The following BRINP1 variants were observed in gnomAD, a reference collection of about 807,000 sequenced individuals.
The protein encoded by BRINP1 is BMP/retinoic acid-inducible neural-specific protein 1.
A neutral mutation model predicts 72.9 loss-of-function variants in BRINP1; 17 were observed. The observed-to-expected ratio is 0.23, with a 90% CI of 0.16 to 0.35. The LOEUF (loss-of-function observed/expected upper bound fraction) is 0.35, where lower values mean the gene tolerates loss of function less well. Ranked by LOEUF, BRINP1 falls within the 10% of genes least tolerant of loss-of-function variation. The probability of loss-of-function intolerance (pLI) is 1.00; values close to 1 mark genes in which losing one functional copy is unlikely to be tolerated. For synonymous variants in BRINP1, 418 were observed against 378.5 expected (o/e 1.10, Z -1.21); for missense variants, 850 against 1,001.6 (o/e 0.85, Z 2.04).
intron 1 of BRINP1, among the ~76,000 whole-genome samples, chr9:119,358,730 C>G (rs78280226): frequency 0.15 from 23,021 of 152,184 alleles, 1,854 homozygotes; most frequent in Middle Eastern, 0.18. Flanking sequence ...GTTGGAATTT[C>G]AGCTGGATTG....
chr9:119,298,549 C>T (rs1830905314), intron 2 of BRINP1, among the ~76,000 whole-genome samples: 1 of 151,860 alleles, frequency 6.6e-6, no homozygotes, highest in African/African-American at 2.4e-5. Context: ...CATGTCAGCA[C>T]ATGACTCAAA....
At chr9:119,291,920 A>G (rs1347751357) in intron 2 of BRINP1, among the ~76,000 whole-genome samples, 1 of 152,218 alleles carries the variant, frequency 6.6e-6, no homozygotes, top group Non-Finnish European at 1.5e-5. Context: ...ACCCTGAAGC[A>G]TGGTGAGTTG....
In BRINP1 at chr9:119,208,865, G is replaced by T. The variant is rs758663814; in HGVS notation, c.999C>A (p.Gly333=). ...LTIGSIHQHW[G]NDWDLQNRYK... ...AGCGGTTCTGCAGGTCCCAGTCATT[G>T]CCCCAGTGCTGATGGATGCTTCCGA... The change falls in exon 7 of 8, where the codon GGC becomes GGA. Residue 333 remains glycine (G), a synonymous_variant. Coordinates refer to ENST00000265922, the MANE Select transcript of BRINP1 (RefSeq NM_014618.3). 6.2e-7 allele frequency: 1 copy of T among 1,614,176 alleles called. No individual in the cohort carries two copies. Among genetic ancestry groups the T allele is most frequent in the South Asian group, 1.1e-5 (1 of 91,086 alleles).
At chr9:119,209,460 C>T (rs969013855) in intron 6 of BRINP1, among the ~76,000 whole-genome samples, 4 of 151,566 alleles carry the variant, frequency 2.6e-5, no homozygotes, top group East Asian at 1.9e-4. Context: ...CCCAGCTACT[C>T]GGGAGGCTGA....
At chr9:119,226,530 AG>A (rs973344807) in intron 5 of BRINP1, among the ~76,000 whole-genome samples, 23 of 152,032 alleles carry the variant, frequency 1.5e-4, no homozygotes, top group African/African-American at 5.6e-4. Flanking sequence ...GTGCTTGCTT[AG>A]AATTCTTTAC....
At chr9:119,310,661 CA>C (rs1831052656) in intron 2 of BRINP1, among the ~76,000 whole-genome samples, 2 of 152,144 alleles carry the variant, frequency 1.3e-5, no homozygotes, top group Admixed American at 1.3e-4. Context: ...CTGGGCAGAT[CA>C]GTAAAGCTGG....
At chr9:119,266,384 T>G (rs1309740932) in intron 2 of BRINP1, among the ~76,000 whole-genome samples, 1 of 152,218 alleles carries the variant, frequency 6.6e-6, no homozygotes, top group Non-Finnish European at 1.5e-5. Context: ...CATTATATAT[T>G]GACAAATTAT....
chr9:119,213,689 T>A, intron 6 of BRINP1: 1 of 607,306 alleles, frequency 1.6e-6, no homozygotes, highest in South Asian at 2.0e-5. Flanking sequence ...ACAGAAACAA[T>A]ACATCATATG....
intron 4 of BRINP1, among the ~76,000 whole-genome samples, chr9:119,239,391 T>C (rs1017479973): frequency 1.3e-5 from 2 of 152,250 alleles, no homozygotes; most frequent in Non-Finnish European, 2.9e-5. Flanking sequence ...GACCCAATCC[T>C]GTGGATGTGC....
intron 2 of BRINP1, among the ~76,000 whole-genome samples, chr9:119,286,113 G>A (rs1024319230): frequency 2.6e-5 from 4 of 151,948 alleles, no homozygotes; most frequent in Admixed American, 1.3e-4. Flanking sequence ...TTATCACCAC[G>A]AAAATTGTCT....
chr9:119,358,619 G>A (rs747349390), intron 1 of BRINP1, among the ~76,000 whole-genome samples: 1 of 152,088 alleles, frequency 6.6e-6, no homozygotes. Flanking sequence ...ACTTGAATCC[G>A]GAAGGCGGAG....
intron 7 of BRINP1, among the ~76,000 whole-genome samples, chr9:119,180,399 T>C (rs1432652411): frequency 6.6e-6 from 1 of 152,142 alleles, no homozygotes; most frequent in Non-Finnish European, 1.5e-5. Flanking sequence ...CAGACTAAAC[T>C]GAGAAGACAA....
intron 5 of BRINP1, among the ~76,000 whole-genome samples, chr9:119,232,534 A>C (rs1830158073): frequency 6.6e-6 from 1 of 152,128 alleles, no homozygotes; most frequent in South Asian, 2.1e-4. Flanking sequence ...TCTGATTATA[A>C]AGAAGTTTTT....
chr9:119,254,508 C>T (rs556032309), intron 2 of BRINP1, among the ~76,000 whole-genome samples: 1 of 152,080 alleles, frequency 6.6e-6, no homozygotes, highest in South Asian at 2.1e-4. Context: ...AAAGGGCAGC[C>T]TAAATGAGTA....
intron 2 of BRINP1, among the ~76,000 whole-genome samples, chr9:119,263,327 T>G (rs1212707466): frequency 6.6e-6 from 1 of 152,202 alleles, no homozygotes; most frequent in Non-Finnish European, 1.5e-5. Flanking sequence ...GAAGTGCCTC[T>G]GAGGTCTCCT....
At chr9:119,351,301 C>T (rs1047748819) in intron 1 of BRINP1, among the ~76,000 whole-genome samples, 11 of 152,160 alleles carry the variant, frequency 7.2e-5, no homozygotes, top group African/African-American at 2.2e-4. Flanking sequence ...TGCCCTGATA[C>T]GAAATGAAGA....
chr9:119,348,068 T>C (rs1428592870), intron 1 of BRINP1, among the ~76,000 whole-genome samples: 8 of 152,234 alleles, frequency 5.3e-5, no homozygotes, highest in Non-Finnish European at 1.2e-4. Flanking sequence ...TTTACCATTA[T>C]AGCATCATAC....
intron 1 of BRINP1, among the ~76,000 whole-genome samples, chr9:119,316,631 A>G (rs1320427492): frequency 6.6e-6 from 1 of 152,114 alleles, no homozygotes; most frequent in Non-Finnish European, 1.5e-5. Context: ...GGATGACAGC[A>G]CATTTGTTTA....
chr9:119,305,955 T>C (rs1327216777), intron 2 of BRINP1, among the ~76,000 whole-genome samples: 1 of 152,224 alleles, frequency 6.6e-6, no homozygotes, highest in Non-Finnish European at 1.5e-5. Flanking sequence ...AGTCTCTCTT[T>C]CTTCCTTGGC....
Sources: gnomAD v4.1 joint callset for allele counts (sites outside exome capture counted in the v4.1 genomes callset) on GRCh38, gnomAD v4.1.1 for gene constraint, MANE v1.5 for transcripts, NCBI Gene and HGNC (gene_info 2026-07-23, HGNC 2026-07-21) for gene names.